FOXP1: variants seen among roughly 807,000 people sequenced by gnomAD.
FOXP1 encodes the protein forkhead box protein P1.
In FOXP1, 15 loss-of-function variants were observed where a neutral mutation model predicts 98.2. The ratio of observed to expected loss-of-function variants is 0.15; its 90% CI spans 0.10 to 0.24. The LOEUF (loss-of-function observed/expected upper bound fraction) is 0.24, where lower values mean the gene tolerates loss of function less well. Ranked by LOEUF, FOXP1 falls within the 10% of genes least tolerant of loss-of-function variation. The pLI is 1.00. For missense variants in FOXP1, 633 were observed against 848.5 expected, an observed-to-expected ratio of 0.75 and a Z score of 3.15; for synonymous variants, 371 against 314.5, an observed-to-expected ratio of 1.18 and a Z score of -1.90.
At chr3:71,076,453 T>C (rs10212561) in intron 7 of FOXP1, among the ~76,000 whole-genome samples, 18,071 of 152,162 alleles carry the variant, frequency 0.12, 2,099 homozygotes, top group African/African-American at 0.3. Context: ...ACAAGAGTTA[T>C]GCTGAAGATG....
In FOXP1 at chr3:70,977,868, G is replaced by A. The variant is rs2037909647; in HGVS notation, c.1308C>T (p.Arg436=). ...CGTTGTATTTGTCTGAGTACCGCCT[G>A]CGGATGGGTCCCACCGTGTGCATGC... ...TTSMHTVGPI[R]RRYSDKYNVP... The change falls in exon 15 of 21, where the codon CGC becomes CGT. Residue 436 remains arginine (R), a synonymous_variant. Transcript: ENST00000649528. The A allele has an allele frequency of 2.5e-6, 4 of 1,614,210 alleles. No individual in the cohort carries two copies. Among genetic ancestry groups the A allele is most frequent in the Non-Finnish European group, 3.4e-6 (4 of 1,180,034 alleles).
intron 2 of FOXP1, among the ~76,000 whole-genome samples, chr3:71,531,958 G>T (rs751509354): frequency 1.3e-5 from 2 of 152,190 alleles, no homozygotes; most frequent in South Asian, 4.1e-4. Context: ...TCATTTATGC[G>T]ACTTCCACAT....
intron 7 of FOXP1, among the ~76,000 whole-genome samples, chr3:71,104,116 C>T (rs780659926): frequency 1.3e-5 from 2 of 152,068 alleles, no homozygotes; most frequent in African/African-American, 4.8e-5. Flanking sequence ...TCTCTATTGG[C>T]GGGGCGCATC....
At chr3:71,371,696 G>A (rs1194639625) in intron 3 of FOXP1, among the ~76,000 whole-genome samples, 5 of 152,170 alleles carry the variant, frequency 3.3e-5, no homozygotes, top group African/African-American at 9.7e-5. Flanking sequence ...GGCTGAGGTG[G>A]GAGGATCATC....
At chr3:71,583,908 A>C (rs1243366768), upstream of FOXP1, 1 of 974,014 alleles carries the variant, frequency 1.0e-6, no homozygotes, top group Non-Finnish European at 1.2e-6. Context: ...CGCTTCACGC[A>C]CCCCGCTGGG....
Position 71,464,601 on chromosome 3 carries a change from C to A in FOXP1, c.-168+28825G>T, listed in dbSNP as rs998209032. ...AAATAGCAAGATGCCCTCCCCCCGA[C>A]CTGGCACTTTCAAAAAACAGCCCTT... On this transcript the variant is annotated intron_variant, in intron 3 of 20. Transcript: ENST00000649528. Among the ~76,000 whole-genome samples, 6 of 152,284 alleles carry A rather than the reference C, an allele frequency of 3.9e-5. No homozygotes were observed. In the South Asian group the frequency reaches 6.2e-4, roughly 16 times the overall value.
intron 3 of FOXP1, among the ~76,000 whole-genome samples, chr3:71,414,596 C>T (rs962069561): frequency 3.9e-5 from 6 of 152,220 alleles, no homozygotes; most frequent in African/African-American, 1.2e-4. Context: ...TGCCTCTGCT[C>T]CAAGGGATAT....
At chr3:71,069,553 C>A (rs2052965049) in intron 7 of FOXP1, among the ~76,000 whole-genome samples, 1 of 152,132 alleles carries the variant, frequency 6.6e-6, no homozygotes, top group Non-Finnish European at 1.5e-5. Context: ...CTGAAGTGTG[C>A]AAAGTTCTTG....
chr3:70,961,442 G>C (rs2033476807), intron 20 of FOXP1, among the ~76,000 whole-genome samples: 2 of 150,842 alleles, frequency 1.3e-5, no homozygotes, highest in Non-Finnish European at 3.0e-5. Flanking sequence ...TATTGGTGAG[G>C]CTGGTCTTGA....
At position 70,957,694 on chromosome 3, in the gene FOXP1, C is replaced by A. The variant is rs2032150124; in HGVS notation, c.*1553G>T. 1 of 233,448 alleles carries A rather than the reference C, an allele frequency of 4.3e-6. No homozygotes were observed. Among genetic ancestry groups the A allele is most frequent in the Non-Finnish European group, 8.5e-6 (1 of 118,028 alleles). 14.5% of individuals were successfully genotyped at this position (233,448 alleles called of 1,614,324 possible). On this transcript the variant is annotated 3_prime_UTR_variant, in exon 21 of 21. Coordinates refer to ENST00000649528, the MANE Select transcript of FOXP1 (RefSeq NM_001349338.3). ...CCTGTAACCATCACATTTCTGCATACCATGTTTGGGACCCCCCCAAAGCCC... is the reference window on the plus strand; with the variant it reads ...CCTGTAACCATCACATTTCTGCATAACATGTTTGGGACCCCCCCAAAGCCC...
At chr3:71,511,674 C>G (rs2042214659) in intron 2 of FOXP1, among the ~76,000 whole-genome samples, 3 of 152,106 alleles carry the variant, frequency 2.0e-5, no homozygotes, top group Admixed American at 6.5e-5. Context: ...AGCTCCATGT[C>G]TACATTATTC....
intron 5 of FOXP1, among the ~76,000 whole-genome samples, chr3:71,250,238 A>T (rs1025597420): frequency 6.6e-6 from 1 of 152,128 alleles, no homozygotes; most frequent in African/African-American, 2.4e-5. Flanking sequence ...ACGTTGCCAA[A>T]TGTCCCCTGC....
intron 14 of FOXP1, among the ~76,000 whole-genome samples, chr3:70,983,106 A>G (rs557277967): frequency 6.6e-6 from 1 of 152,188 alleles, no homozygotes; most frequent in Non-Finnish European, 1.5e-5. Flanking sequence ...GGCCGTGCGG[A>G]GGGCAGGACA....
At chr3:71,009,155 CGGGGGG>C (rs10546380) in intron 12 of FOXP1, among the ~76,000 whole-genome samples, 12,674 of 20,880 alleles carry the variant, frequency 0.61, 4,053 homozygotes, top group African/African-American at 0.69. Flanking sequence ...ATCATGGGGG[CGGGGGG>C]GGGGGGGCGC....
chr3:71,201,367 C>T (rs965170329), intron 5 of FOXP1, among the ~76,000 whole-genome samples: 2 of 152,146 alleles, frequency 1.3e-5, no homozygotes, highest in Non-Finnish European at 2.9e-5. Flanking sequence ...GGAAAAGAGC[C>T]GGGTGCAGTG....
At chr3:71,072,010 T>C (rs1311702700) in intron 7 of FOXP1, among the ~76,000 whole-genome samples, 2 of 152,126 alleles carry the variant, frequency 1.3e-5, no homozygotes, top group Non-Finnish European at 2.9e-5. Flanking sequence ...TGCTTACAAT[T>C]AGGATCCTAT....
chr3:71,540,253 G>A (rs1193363427), intron 2 of FOXP1, among the ~76,000 whole-genome samples: 2 of 152,224 alleles, frequency 1.3e-5, no homozygotes, highest in African/African-American at 4.8e-5. Context: ...AAGAGAATAA[G>A]AGTAAGCAGG....
At chr3:71,462,953 C>T (rs2088295131) in intron 3 of FOXP1, among the ~76,000 whole-genome samples, 1 of 152,196 alleles carries the variant, frequency 6.6e-6, no homozygotes. Context: ...TACGCCCCAT[C>T]AATCAACCAA....
intron 2 of FOXP1, among the ~76,000 whole-genome samples, chr3:71,529,683 G>A (rs1578032100): frequency 6.6e-6 from 1 of 152,294 alleles, no homozygotes; most frequent in Admixed American, 6.5e-5. Flanking sequence ...TAGAAACTCA[G>A]AAGGATGGGA....
Sources: allele counts gnomAD v4.1 joint callset (sites outside exome capture counted in the v4.1 genomes callset), GRCh38; gene constraint gnomAD v4.1.1; transcripts MANE v1.5; gene names NCBI Gene and HGNC (gene_info 2026-07-23, HGNC 2026-07-21).